The following PARD3 variants were observed in gnomAD, a reference collection of about 807,000 sequenced individuals.
The protein encoded by PARD3 is partitioning defective 3 homolog.
A neutral mutation model predicts 155.4 loss-of-function variants in PARD3; 75 were observed. That is an observed-to-expected ratio of 0.48 (90% CI 0.40 to 0.58). PARD3 has a LOEUF of 0.58. PARD3 is among the 20% of genes least tolerant of loss of function. The probability of loss-of-function intolerance (pLI) is 0.00; values close to 1 mark genes in which losing one functional copy is unlikely to be tolerated. For synonymous variants in PARD3, 576 were observed against 610.5 expected, an observed-to-expected ratio of 0.94 and a Z score of 0.83; for missense variants, 1,642 against 1,721.7, an observed-to-expected ratio of 0.95 and a Z score of 0.82.
At chr10:34,418,835 A>G (rs1306923011) in intron 5 of PARD3, among the ~76,000 whole-genome samples, 2 of 152,100 alleles carry the variant, frequency 1.3e-5, no homozygotes, top group Non-Finnish European at 2.9e-5. Context: ...CAGTGGCATA[A>G]TCACAGCTCA....
chr10:34,222,221 GCT>G (rs1168094739), intron 22 of PARD3, among the ~76,000 whole-genome samples: 2 of 152,046 alleles, frequency 1.3e-5, no homozygotes, highest in African/African-American at 4.8e-5. Context: ...TTTTTCTTGC[GCT>G]CTGAATAAGG....
chr10:34,252,722 A>G (rs1588944081), intron 22 of PARD3, among the ~76,000 whole-genome samples: 1 of 151,668 alleles, frequency 6.6e-6, no homozygotes, highest in South Asian at 2.1e-4. Context: ...GTGTATATAT[A>G]TAACTTTATA....
chr10:34,797,543 T>C (rs911479401), intron 1 of PARD3, among the ~76,000 whole-genome samples: 7 of 152,144 alleles, frequency 4.6e-5, no homozygotes, highest in Non-Finnish European at 8.8e-5. Flanking sequence ...CTCCATCCAA[T>C]AAAAATGGAT....
chr10:34,376,478 C>A (rs1463342324), intron 10 of PARD3, among the ~76,000 whole-genome samples: 3 of 151,846 alleles, frequency 2.0e-5, no homozygotes, highest in Non-Finnish European at 2.9e-5. Context: ...GAGACTCTTA[C>A]AAATAAAACA....
At chr10:34,571,677 G>C (rs907094523) in intron 2 of PARD3, among the ~76,000 whole-genome samples, 4 of 152,168 alleles carry the variant, frequency 2.6e-5, no homozygotes, top group Admixed American at 6.5e-5. Flanking sequence ...CAGATGGAAT[G>C]GAAACTTTTG....
In PARD3 at chr10:34,112,542, T is replaced by C. The variant is rs140958884; in HGVS notation, c.3669-980A>G. ...GAAAATGGAAGAGGGGGAGAGACAA[T>C]TGAGTAATAAAACAAAGTATATTGC... On this transcript the variant is annotated intron_variant, in intron 24 of 24. Coordinates refer to ENST00000374788, the MANE Select transcript of PARD3 (RefSeq NM_001184785.2). Among the ~76,000 whole-genome samples, 17 of 152,306 alleles carry C rather than the reference T, an allele frequency of 1.1e-4. No individual in the cohort carries two copies. In the East Asian group the frequency reaches 2.3e-3, roughly 21 times the overall value.
chr10:34,804,461 C>A (rs1843136217), intron 1 of PARD3, among the ~76,000 whole-genome samples: 1 of 152,202 alleles, frequency 6.6e-6, no homozygotes, highest in African/African-American at 2.4e-5. Context: ...TGTAGTACAT[C>A]AGGAACCAAT....
At chr10:34,449,110 G>C (rs1348716392) in intron 5 of PARD3, among the ~76,000 whole-genome samples, 1 of 151,182 alleles carries the variant, frequency 6.6e-6, no homozygotes. Context: ...GTTGAGACAG[G>C]GTTTCACCAT....
At chr10:34,274,404 C>A (rs1422438298) in intron 21 of PARD3, among the ~76,000 whole-genome samples, 1 of 152,096 alleles carries the variant, frequency 6.6e-6, no homozygotes, top group Non-Finnish European at 1.5e-5. Flanking sequence ...ATTCTTTGCA[C>A]CATAATGTCT....
intron 20 of PARD3, among the ~76,000 whole-genome samples, chr10:34,307,582 C>T (rs115594085): frequency 5.3e-5 from 8 of 152,228 alleles, no homozygotes; most frequent in African/African-American, 1.9e-4. Flanking sequence ...GCTATAAACC[C>T]AAGGGCCATG....
chr10:34,797,189 C>G (rs754834997), intron 1 of PARD3, among the ~76,000 whole-genome samples: 1 of 152,176 alleles, frequency 6.6e-6, no homozygotes, highest in Non-Finnish European at 1.5e-5. Flanking sequence ...CTTGCTCTGT[C>G]ACCCAGGCTG....
intron 4 of PARD3, among the ~76,000 whole-genome samples, chr10:34,467,327 A>G (rs183075395): frequency 1.8e-5 from 2 of 113,414 alleles, no homozygotes; most frequent in East Asian, 4.9e-4. Context: ...CATGACTCCA[A>G]CTTGTGTGTG....
At chr10:34,235,864 T>G (rs11592647) in intron 22 of PARD3, among the ~76,000 whole-genome samples, 24,655 of 152,250 alleles carry the variant, frequency 0.16, 2,655 homozygotes, top group Middle Eastern at 0.31. Flanking sequence ...CAATGCATTT[T>G]CCAGCTGAAA....
intron 22 of PARD3, among the ~76,000 whole-genome samples, chr10:34,185,113 G>A (rs192865136): frequency 3.3e-5 from 5 of 152,146 alleles, no homozygotes; most frequent in African/African-American, 4.8e-5. Context: ...CTAACACCAC[G>A]GCTATCACTT....
chr10:34,517,955 T>C (rs2081893379), intron 2 of PARD3, among the ~76,000 whole-genome samples: 1 of 152,198 alleles, frequency 6.6e-6, no homozygotes, highest in Non-Finnish European at 1.5e-5. Context: ...TTCGGCTCAC[T>C]GCAACCTCCA....
At chr10:34,168,051 G>T (rs1265687910) in intron 22 of PARD3, among the ~76,000 whole-genome samples, 6 of 151,724 alleles carry the variant, frequency 4.0e-5, no homozygotes, top group East Asian at 1.9e-4. Context: ...GCTTAATATG[G>T]TTTTTTTCTT....
chr10:34,322,519 T>C (rs1240254918), intron 19 of PARD3, among the ~76,000 whole-genome samples: 3 of 152,202 alleles, frequency 2.0e-5, no homozygotes, highest in Non-Finnish European at 4.4e-5. Flanking sequence ...GGAATATCTA[T>C]TGTGTTATTT....
At chr10:34,694,417 G>C (rs898379851) in intron 2 of PARD3, among the ~76,000 whole-genome samples, 3 of 148,530 alleles carry the variant, frequency 2.0e-5, no homozygotes, top group African/African-American at 7.4e-5. Flanking sequence ...CCAAGAAGGA[G>C]AAACGGCACC....
intron 1 of PARD3, among the ~76,000 whole-genome samples, chr10:34,733,093 C>T (rs2094847924): frequency 6.6e-6 from 1 of 152,156 alleles, no homozygotes; most frequent in Non-Finnish European, 1.5e-5. Flanking sequence ...GACAAGGAAA[C>T]AAGAAGCTCA....
Sources: allele counts gnomAD v4.1 joint callset (sites outside exome capture counted in the v4.1 genomes callset), GRCh38; gene constraint gnomAD v4.1.1; transcripts MANE v1.5; gene names NCBI Gene and HGNC (gene_info 2026-07-23, HGNC 2026-07-21).